Variants in DHCR24 observed in about 807,000 individuals in gnomAD.
DHCR24 encodes 24-dehydrocholesterol reductase, also known as delta(24)-sterol reductase.
DHCR24 carries 28 observed loss-of-function variants against 61.2 expected under a neutral mutation model. The observed-to-expected ratio is 0.46, with a 90% CI of 0.34 to 0.63. DHCR24 has a LOEUF of 0.63. Ranked by LOEUF, DHCR24 falls within the 20% of genes least tolerant of loss-of-function variation. The probability of loss-of-function intolerance (pLI) is 0.01; values close to 1 mark genes in which losing one functional copy is unlikely to be tolerated. For synonymous variants in DHCR24, 261 were observed against 275.9 expected (o/e 0.95, Z 0.54); for missense variants, 538 against 679.1 (o/e 0.79, Z 2.31).
intron 6 of DHCR24, among the ~76,000 whole-genome samples, chr1:54,857,482 G>GC (rs1646913663): frequency 6.6e-6 from 1 of 152,246 alleles, no homozygotes; most frequent in South Asian, 2.1e-4. Flanking sequence ...AGACAGAGCT[G>GC]CCCAGCTTGG....
chr1:54,855,318 C>A (rs1464212663), intron 6 of DHCR24, among the ~76,000 whole-genome samples: 1 of 151,314 alleles, frequency 6.6e-6, no homozygotes, highest in Non-Finnish European at 1.5e-5. Flanking sequence ...GGCGTGAACC[C>A]AGGAGGCGGA....
intron 6 of DHCR24, among the ~76,000 whole-genome samples, chr1:54,860,489 C>A (rs2101561194): frequency 6.6e-6 from 1 of 152,276 alleles, no homozygotes; most frequent in Non-Finnish European, 1.5e-5. Context: ...GTAGGGTCCC[C>A]CTGGCCCCTC....
chr1:54,880,810 C>T (rs534277119), intron 2 of DHCR24, among the ~76,000 whole-genome samples: 1 of 139,380 alleles, frequency 7.2e-6, no homozygotes, highest in South Asian at 2.4e-4. Context: ...AAACAAAACC[C>T]CCACAATGCA....
rs893384331 is a variant in DHCR24 at position 54,859,474 on chromosome 1, CTTTT to C, written c.1021-5244_1021-5241del. On this transcript the variant is annotated intron_variant, in intron 6 of 8. Coordinates refer to ENST00000371269, the MANE Select transcript of DHCR24 (RefSeq NM_014762.4). Reference sequence around the variant, plus strand: ...TTATTTACTTTGTCTCCAACAGTTCCTTTTTTTTTTCTTATTTTTGAGACAGAGT... The same window carrying C: ...TTATTTACTTTGTCTCCAACAGTTCCTTTTTTCTTATTTTTGAGACAGAGT... Among the ~76,000 whole-genome samples the C allele has an allele frequency of 3.3e-5, 5 of 150,172 alleles. No homozygotes were observed. The South Asian group carries it at 1.1e-3, about 32-fold the overall frequency.
At chr1:54,873,849 C>T (rs1286850283) in intron 4 of DHCR24, among the ~76,000 whole-genome samples, 5 of 152,280 alleles carry the variant, frequency 3.3e-5, no homozygotes, top group Admixed American at 3.3e-4. Flanking sequence ...TGTTGTAGGC[C>T]ATGTTGCCCA....
At chr1:54,852,894 G>A (rs573830630) in intron 8 of DHCR24, among the ~76,000 whole-genome samples, 15 of 152,200 alleles carry the variant, frequency 9.9e-5, no homozygotes, top group Non-Finnish European at 1.5e-4. Flanking sequence ...CTACTGATGC[G>A]CTATCAGTAT....
intron 6 of DHCR24, among the ~76,000 whole-genome samples, chr1:54,862,969 G>C (rs1646946904): frequency 6.6e-6 from 1 of 150,678 alleles, no homozygotes; most frequent in Non-Finnish European, 1.5e-5. Flanking sequence ...CCAGCTACTT[G>C]GGAGGCTGAG....
chr1:54,855,333 G>T (rs1185335138), intron 6 of DHCR24, among the ~76,000 whole-genome samples: 2 of 151,288 alleles, frequency 1.3e-5, no homozygotes, highest in Admixed American at 6.6e-5. Flanking sequence ...GGCGGAGCTT[G>T]CAGTGAGCCG....
chr1:54,886,834 T>C, intron 1 of DHCR24, 55 bp downstream of exon 1: 1 of 1,525,098 alleles, frequency 6.6e-7, no homozygotes, highest in South Asian at 1.1e-5. Flanking sequence ...CGTCCCGCTA[T>C]CCCCGCGCAC....
chr1:54,886,349 A>C (rs993916735), intron 1 of DHCR24, among the ~76,000 whole-genome samples: 1 of 152,108 alleles, frequency 6.6e-6, no homozygotes, highest in African/African-American at 2.4e-5. Flanking sequence ...CTTCTATCCT[A>C]AACCCAATCA....
intron 1 of DHCR24, chr1:54,886,660 C>A: frequency 6.6e-7 from 1 of 1,508,266 alleles, no homozygotes; most frequent in Non-Finnish European, 8.8e-7. Flanking sequence ...CTTCATCTCC[C>A]TCCAGGTACC....
intron 5 of DHCR24, among the ~76,000 whole-genome samples, 197 bp downstream of exon 5, chr1:54,871,153 G>A (rs1014288308): frequency 6.6e-6 from 1 of 152,216 alleles, no homozygotes; most frequent in African/African-American, 2.4e-5. Flanking sequence ...AGGTGGTAGG[G>A]GCAGAGTAGA....
At chr1:54,874,962 T>G in intron 4 of DHCR24, 131 bp downstream of exon 4, 1 of 802,494 alleles carries the variant, frequency 1.2e-6, no homozygotes, top group South Asian at 1.4e-5. Context: ...CACAAATTTT[T>G]GTTTACAGAT....
In DHCR24 at chr1:54,884,805, C is replaced by T. The variant is rs77979953; in HGVS notation, c.232-1032G>A. Among the ~76,000 whole-genome samples the T allele has an allele frequency of 6.6e-3, 1,011 of 152,266 alleles. 16 individuals are homozygous for T. Among genetic ancestry groups the T allele is most frequent in the African/African-American group, 0.023 (943 of 41,554 alleles). ...CCAATGAGACCAGTTCCAGGACAGC[C>T]ACTCTCTCTTTACTGGGGTCGCTAA... On this transcript the variant is annotated intron_variant, in intron 1 of 8. Coordinates refer to ENST00000371269, the MANE Select transcript of DHCR24 (RefSeq NM_014762.4).
intron 5 of DHCR24, among the ~76,000 whole-genome samples, 197 bp downstream of exon 5, chr1:54,871,153 G>C (rs1014288308): frequency 1.3e-5 from 2 of 152,216 alleles, no homozygotes; most frequent in Non-Finnish European, 1.5e-5. Flanking sequence ...AGGTGGTAGG[G>C]GCAGAGTAGA....
intron 1 of DHCR24, among the ~76,000 whole-genome samples, chr1:54,884,157 C>T (rs557900317): frequency 6.6e-6 from 1 of 152,330 alleles, no homozygotes; most frequent in East Asian, 1.9e-4. Flanking sequence ...TGTGTAATTC[C>T]TACAACAGTC....
chr1:54,885,424 C>A (rs1647087601), intron 1 of DHCR24, among the ~76,000 whole-genome samples: 1 of 152,070 alleles, frequency 6.6e-6, no homozygotes, highest in South Asian at 2.1e-4. Flanking sequence ...CTGAACCAGA[C>A]CTATAGGGGG....
At position 54,852,683 on chromosome 1, in the gene DHCR24, A is replaced by T. The variant is rs534963067; in HGVS notation, c.1398-297T>A. 6.6e-5 allele frequency among the ~76,000 whole-genome samples: 10 copies of T among 152,198 alleles called. No individual in the cohort carries two copies. In the East Asian group the frequency reaches 1.9e-3, roughly 30 times the overall value. On this transcript the variant is annotated intron_variant, in intron 8 of 8. Coordinates refer to ENST00000371269, the MANE Select transcript of DHCR24 (RefSeq NM_014762.4). Reference sequence around the variant, plus strand: ...GAGGCACAGCTGCCTTCCCTAATGGAGCAGTGGGGTTGTTTTCCTTTAATC... The same window carrying T: ...GAGGCACAGCTGCCTTCCCTAATGGTGCAGTGGGGTTGTTTTCCTTTAATC...
In DHCR24 at chr1:54,852,062, T is replaced by C; in HGVS notation, c.*171A>G. On this transcript the variant is annotated 3_prime_UTR_variant, in exon 9 of 9. Transcript: ENST00000371269. Reference sequence around the variant, plus strand: ...ACTCCAAATCCCACATTCTTTCCATTCCACTGGGCTGCCCCCTGGAAGCCA... The same window carrying C: ...ACTCCAAATCCCACATTCTTTCCATCCCACTGGGCTGCCCCCTGGAAGCCA... 1 of 707,516 alleles carries C rather than the reference T, an allele frequency of 1.4e-6. No homozygotes were observed. The highest frequency in any genetic ancestry group is 2.3e-6 in the Non-Finnish European group (1 of 429,750). The allele number at this position is 707,516 out of a possible 1,614,324, so 43.8% of individuals were successfully genotyped here. A position where few individuals can be genotyped will look rare whatever the true frequency, so the allele number is the denominator to read the frequency against.
Sources: gnomAD v4.1 joint callset for allele counts (sites outside exome capture counted in the v4.1 genomes callset) on GRCh38, gnomAD v4.1.1 for gene constraint, MANE v1.5 for transcripts, NCBI Gene and HGNC (gene_info 2026-07-23, HGNC 2026-07-21) for gene names.